GBE1: variants seen among roughly 807,000 people sequenced by gnomAD.
The protein encoded by GBE1 is 1,4-alpha-glucan-branching enzyme.
Under a neutral mutation model 88.8 loss-of-function variants are expected in GBE1, and 70 were observed. The observed-to-expected ratio is 0.79, with a 90% CI of 0.65 to 0.96. The LOEUF is 0.96. GBE1 is among the 40% of genes least tolerant of loss of function. The pLI is 0.00. For missense variants in GBE1, 872 were observed against 871.0 expected (o/e 1.00, Z -0.01); for synonymous variants, 284 against 300.1 (o/e 0.95, Z 0.56).
Position 81,670,857 on chromosome 3 carries a change from G to A in GBE1, c.410C>T (p.Pro137Leu). 6.4e-7 allele frequency: 1 copy of A among 1,558,818 alleles called. No homozygotes were observed. The highest frequency in any genetic ancestry group is 8.6e-7 in the Non-Finnish European group (1 of 1,157,694). The change falls in exon 3 of 16, where the codon CCT becomes CTT. Residue 137 changes from proline to leucine, a missense_variant. By Grantham distance (98) the Pro-to-Leu change is moderately conservative (BLOSUM62 -3). Coordinates refer to ENST00000429644, the MANE Select transcript of GBE1 (RefSeq NM_000158.4). ...AAGTACCTTTAATTTGGATCCATGA[G>A]GCACGAGTACAGATTTATTCTGCTT... ...PPKQNKSVLV[P>L]HGSKLKVVIT... is the part of the protein sequence containing the mutation.
In GBE1 at chr3:81,750,551, G is replaced by GTATATATATATGTA. The variant is rs1559708361; in HGVS notation, c.143+10810_143+10823dup. ...TATATATATATACGTATATATATAT[G>GTATATATATATGTA]TATATATATATGTATATATATATAC... On this transcript the variant is annotated intron_variant, in intron 1 of 15. Coordinates refer to ENST00000429644, the MANE Select transcript of GBE1 (RefSeq NM_000158.4). Among the ~76,000 whole-genome samples the GTATATATATATGTA allele has an allele frequency of 7.6e-5, 4 of 52,348 alleles. 1 individual carries two copies. Among genetic ancestry groups the GTATATATATATGTA allele is most frequent in the South Asian group, 9.7e-4 (2 of 2,066 alleles). The allele number at this position is 52,348 out of a possible 152,430, so 34.3% of individuals were successfully genotyped here. A position where few individuals can be genotyped will look rare whatever the true frequency, so the allele number is the denominator to read the frequency against.
chr3:81,580,835 C>T lies in GBE1; in HGVS notation c.1446+330G>A, dbSNP rs537742112. ...GCCTAAGACGGAAACTAAAATAAAC[C>T]TGGTCCAGCACCAATTTTCTTCATT... On this transcript the variant is annotated intron_variant, in intron 11 of 15. Transcript: ENST00000429644. Among the ~76,000 whole-genome samples the T allele has an allele frequency of 2.0e-5, 3 of 152,102 alleles. No individual in the cohort carries two copies. The South Asian group carries it at 6.2e-4, about 32-fold the overall frequency.
chr3:81,592,557 G>C (rs1161338983), intron 8 of GBE1, among the ~76,000 whole-genome samples: 1 of 152,080 alleles, frequency 6.6e-6, no homozygotes, highest in African/African-American at 2.4e-5. Flanking sequence ...ATCTTCTGCT[G>C]TGCGGTTTCA....
intron 7 of GBE1, among the ~76,000 whole-genome samples, chr3:81,605,801 T>C (rs968288217): frequency 6.6e-6 from 1 of 152,192 alleles, no homozygotes; most frequent in Admixed American, 6.5e-5. Context: ...ACATAGGCGA[T>C]GTGTAAAGGA....
At chr3:81,601,664 T>C (rs1394763928) in intron 7 of GBE1, among the ~76,000 whole-genome samples, 1 of 152,172 alleles carries the variant, frequency 6.6e-6, no homozygotes, top group East Asian at 1.9e-4. Flanking sequence ...ATTTTGAATA[T>C]TTGTTTAAAT....
At chr3:81,569,490 T>G (rs1260301835) in intron 12 of GBE1, among the ~76,000 whole-genome samples, 1 of 152,186 alleles carries the variant, frequency 6.6e-6, no homozygotes, top group East Asian at 1.9e-4. Context: ...TTCATGCCCT[T>G]GCCATTTAAG....
chr3:81,513,631 C>T (rs1031782351), intron 14 of GBE1, among the ~76,000 whole-genome samples: 15 of 151,264 alleles, frequency 9.9e-5, no homozygotes, highest in African/African-American at 3.6e-4. Flanking sequence ...GGATTAGTAC[C>T]TATTTGTCTT....
In GBE1 at chr3:81,533,611, G is replaced by A. The variant is rs143419322; in HGVS notation, c.1934+1584C>T. On this transcript the variant is annotated intron_variant, in intron 14 of 15. Transcript: ENST00000429644. ...CTTCTTACTGTCAGAGTAAAATTCT[G>A]TCTGGGTGTCCACTTCATCAAGGGA... 1.8e-3 allele frequency among the ~76,000 whole-genome samples: 273 copies of A among 152,174 alleles called. 1 individual carries two copies. The highest frequency in any genetic ancestry group is 6.3e-3 in the African/African-American group (260 of 41,552).
chr3:81,761,367 G>T lies in GBE1; in HGVS notation c.143+8C>A, dbSNP rs750447886. On this transcript the variant is annotated splice_region_variant and intron_variant, in intron 1 of 15. Coordinates refer to ENST00000429644, the MANE Select transcript of GBE1 (RefSeq NM_000158.4). ...GTCTAAGTGGGGGTGGTGGGATTCCGGCGGTACCTGCGCTGGAAGTCCACG... is the reference window on the plus strand; with the variant it reads ...GTCTAAGTGGGGGTGGTGGGATTCCTGCGGTACCTGCGCTGGAAGTCCACG... The T allele has an allele frequency of 1.2e-6, 2 of 1,603,504 alleles. No individual in the cohort carries two copies.
At chr3:81,566,397 G>A (rs533032474) in intron 12 of GBE1, among the ~76,000 whole-genome samples, 1 of 152,222 alleles carries the variant, frequency 6.6e-6, no homozygotes, top group East Asian at 1.9e-4. Flanking sequence ...TTGGCTATTG[G>A]TTCTTTAATA....
At chr3:81,549,801 A>G (rs940832852) in intron 12 of GBE1, among the ~76,000 whole-genome samples, 3 of 151,700 alleles carry the variant, frequency 2.0e-5, no homozygotes, top group African/African-American at 7.2e-5. Flanking sequence ...CAGGCCAAGT[A>G]TAATAAAGCA....
chr3:81,495,181 G>C (rs1444892061), intron 15 of GBE1, among the ~76,000 whole-genome samples: 1 of 152,144 alleles, frequency 6.6e-6, no homozygotes, highest in Non-Finnish European at 1.5e-5. Context: ...CTGAGGTCAG[G>C]AGTTTGAGAC....
chr3:81,539,777 C>T (rs116085925), intron 12 of GBE1, among the ~76,000 whole-genome samples: 40 of 151,974 alleles, frequency 2.6e-4, no homozygotes, highest in African/African-American at 8.0e-4. Context: ...TAGAGGAAAA[C>T]GGTGACAGAA....
chr3:81,581,485 T>TTG (rs148901178), intron 10 of GBE1, among the ~76,000 whole-genome samples: 169 of 150,648 alleles, frequency 1.1e-3, no homozygotes, highest in African/African-American at 3.2e-3. Flanking sequence ...TAGAGTGTGT[T>TTG]TGTGTGTGTG....
At chr3:81,622,201 G>C (rs1401124525) in intron 7 of GBE1, among the ~76,000 whole-genome samples, 1 of 152,102 alleles carries the variant, frequency 6.6e-6, no homozygotes, top group Non-Finnish European at 1.5e-5. Flanking sequence ...CAGAATTTCA[G>C]ACCAATCATT....
At chr3:81,537,265 C>G (rs528424533) in intron 12 of GBE1, among the ~76,000 whole-genome samples, 170 bp from the exon 13 acceptor site, 3 of 152,078 alleles carry the variant, frequency 2.0e-5, no homozygotes, top group East Asian at 1.9e-4. Context: ...ATAGCACGGT[C>G]TAGCACAGGA....
intron 3 of GBE1, among the ~76,000 whole-genome samples, chr3:81,669,402 T>C (rs948332194): frequency 6.6e-6 from 1 of 151,984 alleles, no homozygotes; most frequent in African/African-American, 2.4e-5. Flanking sequence ...AAAACAAAGG[T>C]TAAAAAAACA....
At chr3:81,625,748 T>G (rs1704405941) in intron 7 of GBE1, among the ~76,000 whole-genome samples, 1 of 152,192 alleles carries the variant, frequency 6.6e-6, no homozygotes, top group Non-Finnish European at 1.5e-5. Flanking sequence ...CCCTTGACTT[T>G]TATTTCTGGT....
intron 14 of GBE1, among the ~76,000 whole-genome samples, chr3:81,525,690 A>T (rs571375265): frequency 6.6e-6 from 1 of 152,118 alleles, no homozygotes; most frequent in African/African-American, 2.4e-5. Flanking sequence ...TAAGCTATTA[A>T]TTATTGCCTC....
Sources: gnomAD v4.1 joint callset for allele counts (sites outside exome capture counted in the v4.1 genomes callset) on GRCh38, gnomAD v4.1.1 for gene constraint, MANE v1.5 for transcripts, NCBI Gene and HGNC (gene_info 2026-07-23, HGNC 2026-07-21) for gene names.